Variants in FHIT observed in about 807,000 individuals in gnomAD.
FHIT encodes bis(5'-adenosyl)-triphosphatase.
FHIT carries 19 observed loss-of-function variants against 17.9 expected under a neutral mutation model. The observed-to-expected ratio is 1.06, with a 90% CI of 0.74 to 1.56. The LOEUF is 1.56. FHIT is among the 40% of genes most tolerant of loss of function. The probability of loss-of-function intolerance (pLI) is 0.00; values close to 1 mark genes in which losing one functional copy is unlikely to be tolerated. For synonymous variants in FHIT, 81 were observed against 69.7 expected (o/e 1.16, Z -0.81); for missense variants, 248 against 189.2 (o/e 1.31, Z -1.82).
rs1428913700 is a variant in FHIT, at chr3:60,465,376, CAGA to C, written c.103+71481_103+71483del. On this transcript the variant is annotated intron_variant, in intron 5 of 9. Transcript: ENST00000492590. ...CTTCAAATTTGTTTACTTTGCTATG[CAGA>C]AGCTTTTTAACTTAAGCTATCCCAT... Among the ~76,000 whole-genome samples the C allele has an allele frequency of 3.3e-5, 5 of 152,144 alleles. No individual in the cohort carries two copies. The South Asian group carries it at 6.2e-4, about 19-fold the overall frequency.
At chr3:60,160,265 A>T (rs1241600879) in intron 5 of FHIT, among the ~76,000 whole-genome samples, 2 of 152,068 alleles carry the variant, frequency 1.3e-5, no homozygotes, top group South Asian at 2.1e-4. Flanking sequence ...AGAGATTCCG[A>T]AGTGATGATG....
In FHIT at chr3:60,629,132, T is replaced by A. The variant is rs144879273; in HGVS notation, c.-17-92153A>T. 1.6e-3 allele frequency among the ~76,000 whole-genome samples: 240 copies of A among 152,206 alleles called. 1 individual carries two copies. The highest frequency in any genetic ancestry group is 5.6e-3 in the African/African-American group (233 of 41,550). ...TCACCAAGAACTTAGCCTCTGCAGT[T>A]TAGGGCAGAGGGAATGAGAAATTCT... On this transcript the variant is annotated intron_variant, in intron 4 of 9. Transcript: ENST00000492590.
chr3:60,007,337 A>T (rs974410531), intron 7 of FHIT, among the ~76,000 whole-genome samples: 2 of 152,234 alleles, frequency 1.3e-5, no homozygotes, highest in Admixed American at 6.5e-5. Context: ...CTTCGTTAGT[A>T]ACACCTGGAA....
intron 5 of FHIT, among the ~76,000 whole-genome samples, chr3:60,362,901 A>G (rs1039510803): frequency 6.6e-6 from 1 of 152,190 alleles, no homozygotes; most frequent in Non-Finnish European, 1.5e-5. Context: ...TCAGAAGTTA[A>G]ATCACCATAA....
chr3:59,752,701 G>A (rs1700985091), intron 8 of FHIT, among the ~76,000 whole-genome samples: 1 of 151,934 alleles, frequency 6.6e-6, no homozygotes, highest in Non-Finnish European at 1.5e-5. Flanking sequence ...GTTATTGGGG[G>A]ACCTTATTGT....
chr3:60,182,802 C>A (rs2142305), intron 5 of FHIT, among the ~76,000 whole-genome samples: 74,047 of 151,454 alleles, frequency 0.49, 20,575 homozygotes, highest in East Asian at 0.9. Flanking sequence ...ATCAATCAAT[C>A]AATACTTGTC....
intron 5 of FHIT, among the ~76,000 whole-genome samples, chr3:60,169,414 G>A (rs1010604348): frequency 1.3e-5 from 2 of 152,156 alleles, no homozygotes; most frequent in African/African-American, 2.4e-5. Context: ...ATTTATAAAT[G>A]TCACATACAG....
intron 5 of FHIT, among the ~76,000 whole-genome samples, chr3:60,491,088 T>C (rs754514896): frequency 1.3e-5 from 2 of 152,130 alleles, no homozygotes; most frequent in Non-Finnish European, 1.5e-5. Context: ...CAAAACCAAA[T>C]GGTGCTGAGT....
At chr3:60,545,821 A>G (rs1238715818) in intron 4 of FHIT, among the ~76,000 whole-genome samples, 4 of 150,530 alleles carry the variant, frequency 2.7e-5, no homozygotes, top group African/African-American at 7.4e-5. Context: ...CTTTTGTTGA[A>G]TAAGTTCTAT....
chr3:59,829,080 C>T (rs1282871253), intron 8 of FHIT, among the ~76,000 whole-genome samples: 2 of 152,254 alleles, frequency 1.3e-5, no homozygotes, highest in African/African-American at 4.8e-5. Flanking sequence ...GTATATGGTA[C>T]ACATTGGGTA....
chr3:59,961,016 G>T (rs868667686), intron 7 of FHIT, among the ~76,000 whole-genome samples: 7 of 152,174 alleles, frequency 4.6e-5, no homozygotes, highest in African/African-American at 1.7e-4. Context: ...CATTCATTTC[G>T]TGAAAGCCAA....
At chr3:60,263,308 T>A (rs926687262) in intron 5 of FHIT, among the ~76,000 whole-genome samples, 1 of 151,972 alleles carries the variant, frequency 6.6e-6, no homozygotes, top group Admixed American at 6.6e-5. Context: ...AAATTTGACT[T>A]TAAATATAGC....
chr3:59,842,543 A>T (rs569894214), intron 8 of FHIT, among the ~76,000 whole-genome samples: 2 of 151,264 alleles, frequency 1.3e-5, no homozygotes. Context: ...AACAGTGCAC[A>T]TGAGTTCCAA....
intron 4 of FHIT, among the ~76,000 whole-genome samples, chr3:60,590,088 T>C (rs2038035702): frequency 6.6e-6 from 1 of 152,086 alleles, no homozygotes; most frequent in Non-Finnish European, 1.5e-5. Context: ...TAAAAATAAA[T>C]TGCAAAATAA....
Position 60,981,542 on chromosome 3 carries a change from C to T in FHIT, c.-111+60505G>A, listed in dbSNP as rs144546375. ...CCCAGGCTGGTCTCGAACTCCTGAG[C>T]TCAGGCAATCCACCCGCCTCGGCCT... is the stretch of plus-strand genomic sequence containing the variant. On this transcript the variant is annotated intron_variant, in intron 3 of 9. Transcript: ENST00000492590. Among the ~76,000 whole-genome samples, 1,159 of 152,146 alleles carry T rather than the reference C, an allele frequency of 7.6e-3. 21 individuals are homozygous for T. Among genetic ancestry groups the T allele is most frequent in the African/African-American group, 0.027 (1,111 of 41,502 alleles).
At chr3:61,020,609 C>T (rs2032367928) in intron 3 of FHIT, among the ~76,000 whole-genome samples, 1 of 152,150 alleles carries the variant, frequency 6.6e-6, no homozygotes, top group Admixed American at 6.6e-5. Context: ...AAAACTGCAT[C>T]ACCTAATGGG....
At chr3:61,198,472 T>A (rs1191600739) in intron 2 of FHIT, among the ~76,000 whole-genome samples, 1 of 150,760 alleles carries the variant, frequency 6.6e-6, no homozygotes, top group Non-Finnish European at 1.5e-5. Flanking sequence ...CCTAATTACC[T>A]CAAAAAGAAA....
chr3:61,245,995 G>A (rs894595564), intron 1 of FHIT, among the ~76,000 whole-genome samples: 2 of 152,130 alleles, frequency 1.3e-5, no homozygotes, highest in Non-Finnish European at 2.9e-5. Context: ...GATAAAACAG[G>A]TTGCAGTAGA....
At chr3:60,398,428 G>A (rs1701537344) in intron 5 of FHIT, among the ~76,000 whole-genome samples, 1 of 152,146 alleles carries the variant, frequency 6.6e-6, no homozygotes, top group African/African-American at 2.4e-5. Flanking sequence ...AGATGAGAAA[G>A]TAATAATCGT....
Sources: gnomAD v4.1 joint callset for allele counts (sites outside exome capture counted in the v4.1 genomes callset) on GRCh38, gnomAD v4.1.1 for gene constraint, MANE v1.5 for transcripts, NCBI Gene and HGNC (gene_info 2026-07-23, HGNC 2026-07-21) for gene names.